Variants in FOXP2 observed in about 807,000 individuals in gnomAD.
FOXP2 encodes the protein forkhead box protein P2.
In FOXP2, 12 loss-of-function variants were observed where a neutral mutation model predicts 115.8. The observed-to-expected ratio is 0.10, with a 90% CI of 0.07 to 0.17. The LOEUF (loss-of-function observed/expected upper bound fraction) is 0.17. FOXP2 is among the 10% of genes least tolerant of loss of function. FOXP2 has a pLI of 1.00. For missense variants in FOXP2, 629 were observed against 843.5 expected (o/e 0.75, Z 3.15); for synonymous variants, 328 against 297.7 (o/e 1.10, Z -1.05).
chr7:114,259,189 A>G (rs1795688620), intron 1 of FOXP2, among the ~76,000 whole-genome samples: 2 of 152,176 alleles, frequency 1.3e-5, no homozygotes, highest in South Asian at 4.1e-4. Context: ...GAAGAATACA[A>G]ATGAGGTGCA....
chr7:114,556,919 G>GA (rs1384845470), intron 3 of FOXP2, among the ~76,000 whole-genome samples: 1 of 151,888 alleles, frequency 6.6e-6, no homozygotes, highest in Non-Finnish European at 1.5e-5. Context: ...ATTGTTTTTT[G>GA]AAAAAACTGT....
Position 114,642,437 on chromosome 7 carries a change from A to T in FOXP2, c.803A>T (p.Gln268Leu). The T allele has an allele frequency of 6.2e-7, 1 of 1,613,828 alleles. No individual in the cohort carries two copies. The highest frequency in any genetic ancestry group is 8.5e-7 in the Non-Finnish European group (1 of 1,179,876). Residue 268 changes from glutamine to leucine, a missense_variant, in exon 7 of 17, where the codon CAG becomes CTG. Gln to Leu is a moderately radical substitution (Grantham distance 113, BLOSUM62 -2). This residue lies in a region of FOXP2 where 138 missense variants were observed against 205.1 expected (regional missense o/e 0.67). Coordinates refer to ENST00000350908, the MANE Select transcript of FOXP2 (RefSeq NM_014491.4). ...GGCTTAAGTCCTGCTGAGATTCAGC[A>T]GTTATGGAAAGAAGTGACTGGAGTT... ...QAGLSPAEIQ[Q>L]LWKEVTGVHS...
intron 1 of FOXP2, among the ~76,000 whole-genome samples, chr7:114,269,986 C>T (rs1288687690): frequency 6.6e-6 from 1 of 152,112 alleles, no homozygotes; most frequent in Non-Finnish European, 1.5e-5. Flanking sequence ...CACATTCATC[C>T]AGAAATTCTC....
intron 15 of FOXP2, among the ~76,000 whole-genome samples, chr7:114,664,015 C>T (rs1048518085): frequency 6.6e-6 from 1 of 152,172 alleles, no homozygotes; most frequent in Admixed American, 6.6e-5. Flanking sequence ...GTGGATTCAA[C>T]ATTTCATTAT....
chr7:114,160,782 C>CTGTGTGTGTGTGTG (rs34540150), upstream of FOXP2, among the ~76,000 whole-genome samples: 2,676 of 147,334 alleles, frequency 0.018, 33 homozygotes, highest in African/African-American at 0.027. Context: ...AGTATATTTT[C>CTGTGTGTGTGTGTG]TGTGTGTGTG....
chr7:114,441,277 G>A (rs1318351902), intron 2 of FOXP2, among the ~76,000 whole-genome samples: 1 of 151,742 alleles, frequency 6.6e-6, no homozygotes, highest in Non-Finnish European at 1.5e-5. Context: ...GTGAAACCTC[G>A]TCTCTACTAA....
chr7:114,442,505 T>A (rs987610070), intron 2 of FOXP2, among the ~76,000 whole-genome samples: 1 of 152,210 alleles, frequency 6.6e-6, no homozygotes, highest in Admixed American at 6.5e-5. Flanking sequence ...TTGCCCAGGC[T>A]GGAGATCAGA....
At chr7:114,237,989 C>T (rs1158743501) in intron 1 of FOXP2, among the ~76,000 whole-genome samples, 1 of 152,076 alleles carries the variant, frequency 6.6e-6, no homozygotes, top group Non-Finnish European at 1.5e-5. Context: ...AACAAACAAA[C>T]AAACTAACAA....
At chr7:114,250,806 A>T (rs1020462400) in intron 1 of FOXP2, among the ~76,000 whole-genome samples, 1 of 151,952 alleles carries the variant, frequency 6.6e-6, no homozygotes, top group Non-Finnish European at 1.5e-5. Context: ...GTTTAATTAG[A>T]TCCTATTTGT....
chr7:114,222,358 C>T (rs747050912), intron 1 of FOXP2, among the ~76,000 whole-genome samples: 10 of 152,220 alleles, frequency 6.6e-5, no homozygotes, highest in African/African-American at 1.2e-4. Flanking sequence ...CCATGTAGCC[C>T]GGGCTGTTCT....
At chr7:114,256,986 A>G (rs565802981) in intron 1 of FOXP2, among the ~76,000 whole-genome samples, 1 of 152,334 alleles carries the variant, frequency 6.6e-6, no homozygotes, top group East Asian at 1.9e-4. Context: ...CACATAGCCA[A>G]GATAATTCTA....
At chr7:114,302,338 T>C (rs1796897583) in intron 2 of FOXP2, among the ~76,000 whole-genome samples, 1 of 152,124 alleles carries the variant, frequency 6.6e-6, no homozygotes, top group South Asian at 2.1e-4. Context: ...TTTATAAATT[T>C]ATATATATGT....
intron 1 of FOXP2, among the ~76,000 whole-genome samples, chr7:114,157,193 T>G (rs999030892): frequency 2.0e-5 from 3 of 152,126 alleles, no homozygotes; most frequent in Non-Finnish European, 2.9e-5. Flanking sequence ...AAAACACAGA[T>G]GAATAATACA....
chr7:114,607,582 A>G (rs140066930), intron 3 of FOXP2, among the ~76,000 whole-genome samples: 4 of 152,300 alleles, frequency 2.6e-5, no homozygotes, highest in African/African-American at 9.6e-5. Context: ...TTGGAGAGAT[A>G]ATAGTTAAAA....
intron 3 of FOXP2, among the ~76,000 whole-genome samples, chr7:114,624,212 C>T (rs1804405578): frequency 6.6e-6 from 1 of 151,650 alleles, no homozygotes; most frequent in Admixed American, 6.6e-5. Context: ...TATTAACAGT[C>T]AAAATCAGAG....
At chr7:114,381,879 A>T (rs997673573) in intron 2 of FOXP2, among the ~76,000 whole-genome samples, 2 of 152,044 alleles carry the variant, frequency 1.3e-5, no homozygotes, top group African/African-American at 4.8e-5. Context: ...AAGGAGGCGG[A>T]ATCCTTTAGT....
chr7:114,149,837 T>G (rs890325074), intron 1 of FOXP2, among the ~76,000 whole-genome samples: 1 of 152,082 alleles, frequency 6.6e-6, no homozygotes, highest in Non-Finnish European at 1.5e-5. Context: ...TTCCTTTTAA[T>G]TTCTTGAAAT....
chr7:114,316,592 C>T (rs1399773506), intron 2 of FOXP2, among the ~76,000 whole-genome samples: 2 of 152,026 alleles, frequency 1.3e-5, no homozygotes, highest in African/African-American at 4.8e-5. Flanking sequence ...AGACCTAACT[C>T]GTATGGTGGC....
At chr7:114,305,923 TA>T (rs1035709077) in intron 2 of FOXP2, among the ~76,000 whole-genome samples, 55 of 129,408 alleles carry the variant, frequency 4.3e-4, no homozygotes, top group African/African-American at 1.3e-3. Flanking sequence ...AAGTGGGTCT[TA>T]ACCACTTATA....
Sources: gnomAD v4.1 joint callset for allele counts (sites outside exome capture counted in the v4.1 genomes callset) on GRCh38, gnomAD v4.1.1 for gene constraint, gnomAD v4.1.1 regional missense constraint, MANE v1.5 for transcripts, NCBI Gene and HGNC (gene_info 2026-07-23, HGNC 2026-07-21) for gene names.